The following PABPC4L variants were observed in gnomAD, a reference collection of about 807,000 sequenced individuals.
PABPC4L encodes polyadenylate-binding protein 4-like.
For synonymous variants in PABPC4L, 169 were observed against 164.1 expected, an observed-to-expected ratio of 1.03 and a Z score of -0.23; for missense variants, 452 against 451.4, an observed-to-expected ratio of 1.00 and a Z score of -0.01.
At chr4:133,989,447 G>A in the PABPC4L span, among the ~76,000 whole-genome samples, 1 of 152,168 alleles carries the variant, frequency 6.6e-6, no homozygotes, top group East Asian at 1.9e-4. Flanking sequence ...CATAACAAGA[G>A]TGACTTTCAC....
At chr4:134,159,050 C>T in the PABPC4L span, among the ~76,000 whole-genome samples, 1 of 152,040 alleles carries the variant, frequency 6.6e-6, no homozygotes, top group African/African-American at 2.4e-5. Context: ...AAATGGAACA[C>T]CTGCATAGGG....
At chr4:134,158,459 T>A in the PABPC4L span, among the ~76,000 whole-genome samples, 1 of 152,086 alleles carries the variant, frequency 6.6e-6, no homozygotes, top group African/African-American at 2.4e-5. Context: ...ATTCTTAAAG[T>A]CTACCTTTAC....
At chr4:134,170,563 G>A in the PABPC4L span, among the ~76,000 whole-genome samples, 1 of 152,100 alleles carries the variant, frequency 6.6e-6, no homozygotes, top group Non-Finnish European at 1.5e-5. Context: ...AGCAGAAGGT[G>A]AAGGGGGAGC....
chr4:134,098,011 A>C, the PABPC4L span, among the ~76,000 whole-genome samples: 1 of 151,832 alleles, frequency 6.6e-6, no homozygotes, highest in East Asian at 1.9e-4. Context: ...ATTAAATGAG[A>C]TCTTATTCAT....
At chr4:134,001,006 A>G in the PABPC4L span, among the ~76,000 whole-genome samples, 1 of 151,992 alleles carries the variant, frequency 6.6e-6, no homozygotes, top group Non-Finnish European at 1.5e-5. Flanking sequence ...AAAATCTCCA[A>G]TTTGTTCTAT....
the PABPC4L span, among the ~76,000 whole-genome samples, chr4:134,089,764 G>C: frequency 1.3e-5 from 2 of 151,876 alleles, no homozygotes; most frequent in African/African-American, 4.8e-5. Flanking sequence ...TTATATGTGG[G>C]TTCCATAGGG....
At chr4:134,025,726 T>C in the PABPC4L span, among the ~76,000 whole-genome samples, 1 of 152,194 alleles carries the variant, frequency 6.6e-6, no homozygotes, top group Non-Finnish European at 1.5e-5. Context: ...AAATCTCTTT[T>C]TAAATAATTT....
At chr4:133,977,262 A>G in the PABPC4L span, among the ~76,000 whole-genome samples, 1 of 151,710 alleles carries the variant, frequency 6.6e-6, no homozygotes, top group Non-Finnish European at 1.5e-5. Flanking sequence ...TATTCTTTCC[A>G]TTGGTCTATG....
At chr4:134,150,709 T>A in the PABPC4L span, among the ~76,000 whole-genome samples, 2 of 152,162 alleles carry the variant, frequency 1.3e-5, no homozygotes, top group South Asian at 4.1e-4. Flanking sequence ...ATATGAAACC[T>A]CCCCCACCCT....
At chr4:133,952,240 C>T in the PABPC4L span, among the ~76,000 whole-genome samples, 1 of 152,256 alleles carries the variant, frequency 6.6e-6, no homozygotes, top group Admixed American at 6.5e-5. Context: ...GCAGCACAGT[C>T]CATTGGTACT....
the PABPC4L span, among the ~76,000 whole-genome samples, chr4:134,189,577 G>C: frequency 2.1e-3 from 317 of 152,066 alleles, 2 homozygotes; most frequent in African/African-American, 7.4e-3. Context: ...ATGTGTGTGT[G>C]TGTGTATTCT....
At chr4:134,021,944 T>G in the PABPC4L span, among the ~76,000 whole-genome samples, 1 of 152,104 alleles carries the variant, frequency 6.6e-6, no homozygotes, top group Non-Finnish European at 1.5e-5. Context: ...TTCCTTGCCT[T>G]CTTTGTCTTT....
the PABPC4L span, among the ~76,000 whole-genome samples, chr4:134,000,979 G>A: frequency 6.6e-6 from 1 of 151,938 alleles, no homozygotes; most frequent in Non-Finnish European, 1.5e-5. Flanking sequence ...TAATAAATCA[G>A]TTTTATATAC....
chr4:134,132,963 ATAT>A, the PABPC4L span, among the ~76,000 whole-genome samples: 1 of 143,044 alleles, frequency 7.0e-6, no homozygotes, highest in African/African-American at 2.6e-5. Flanking sequence ...GAATGTATAA[ATAT>A]TATATATTAT....
the PABPC4L span, among the ~76,000 whole-genome samples, chr4:134,172,268 A>G: frequency 1.3e-5 from 2 of 152,290 alleles, no homozygotes; most frequent in East Asian, 3.9e-4. Context: ...TTCAAACTAT[A>G]CTACAAGCCT....
the PABPC4L span, among the ~76,000 whole-genome samples, chr4:134,020,004 C>G: frequency 6.6e-6 from 1 of 152,112 alleles, no homozygotes; most frequent in African/African-American, 2.4e-5. Flanking sequence ...TATAAATCAA[C>G]TGTATTATTT....
chr4:134,111,642 TG>T, the PABPC4L span, among the ~76,000 whole-genome samples: 181 of 152,006 alleles, frequency 1.2e-3, no homozygotes, highest in Non-Finnish European at 2.0e-3. Context: ...AACTGAATCA[TG>T]GGGGCCAGTC....
chr4:134,005,088 G>A, the PABPC4L span, among the ~76,000 whole-genome samples: 3 of 151,782 alleles, frequency 2.0e-5, no homozygotes, highest in African/African-American at 7.2e-5. Context: ...TGTAAAAATT[G>A]CTGAGTAGAT....
the PABPC4L span, among the ~76,000 whole-genome samples, chr4:134,021,942 C>T: frequency 6.6e-6 from 1 of 151,950 alleles, no homozygotes; most frequent in Non-Finnish European, 1.5e-5. Context: ...CTTTCCTTGC[C>T]TTCTTTGTCT....
Sources: allele counts gnomAD v4.1 joint callset (sites outside exome capture counted in the v4.1 genomes callset), GRCh38; gene constraint gnomAD v4.1.1; transcripts MANE v1.5; gene names NCBI Gene and HGNC (gene_info 2026-07-23, HGNC 2026-07-21).